The following OR56A3 variants were observed in gnomAD, a reference collection of about 807,000 sequenced individuals.
OR56A3 encodes the protein olfactory receptor 56A3.
A neutral mutation model predicts 17.5 loss-of-function variants in OR56A3; 23 were observed. That is an observed-to-expected ratio of 1.32 (90% confidence interval 0.95 to 1.87). The LOEUF (loss-of-function observed/expected upper bound fraction) is 1.87. Ranked by LOEUF, OR56A3 falls within the 40% of genes most tolerant of loss-of-function variation. The probability of loss-of-function intolerance (pLI) is 0.00; values close to 1 mark genes in which losing one functional copy is unlikely to be tolerated. For synonymous variants in OR56A3, 175 were observed against 150.6 expected (o/e 1.16, Z -1.19); for missense variants, 366 against 380.1 (o/e 0.96, Z 0.31).
the OR56A3 span, chr11:6,016,850 G>A: frequency 6.6e-6 from 1 of 150,828 alleles, no homozygotes; most frequent in Non-Finnish European, 1.5e-5. Flanking sequence ...CAGAAAACTT[G>A]GAACTGAATA....
the OR56A3 span, among the ~76,000 whole-genome samples, chr11:6,013,647 G>A: frequency 2.0e-5 from 3 of 152,162 alleles, no homozygotes; most frequent in African/African-American, 7.2e-5. Context: ...TCTGGCACAT[G>A]TGTGCACCAT....
chr11:6,004,331 C>G, the OR56A3 span, among the ~76,000 whole-genome samples: 1 of 151,366 alleles, frequency 6.6e-6, no homozygotes, highest in Non-Finnish European at 1.5e-5. Context: ...TCCGGCCTGG[C>G]AACAAAATGA....
At chr11:6,002,157 A>C in the OR56A3 span, 1 of 1,614,190 alleles carries the variant, frequency 6.2e-7, no homozygotes, top group Non-Finnish European at 8.5e-7. Flanking sequence ...CAGGATGTTG[A>C]GCAGGATGGG....
the OR56A3 span, among the ~76,000 whole-genome samples, chr11:5,960,872 G>A: frequency 6.6e-6 from 1 of 151,474 alleles, no homozygotes; most frequent in African/African-American, 2.4e-5. Context: ...CCTCTGCCTC[G>A]CCGCCCCGTC....
At chr11:5,968,154 T>C in the OR56A3 span, 1 of 1,614,188 alleles carries the variant, frequency 6.2e-7, no homozygotes, top group Non-Finnish European at 8.5e-7. Flanking sequence ...TGTGCAGGAC[T>C]CCATAGTCAG....
chr11:6,009,523 T>G, the OR56A3 span, among the ~76,000 whole-genome samples: 1 of 152,172 alleles, frequency 6.6e-6, no homozygotes, highest in Non-Finnish European at 1.5e-5. Flanking sequence ...ATATTTCAAT[T>G]TATTTGAGTT....
chr11:5,970,307 A>G, the OR56A3 span, among the ~76,000 whole-genome samples: 5 of 152,248 alleles, frequency 3.3e-5, no homozygotes, highest in Admixed American at 3.3e-4. Flanking sequence ...CCTAAAAGGA[A>G]TGAACAGAGA....
At chr11:5,946,785 T>C (rs554576875) in intron 2 of OR56A3, among the ~76,000 whole-genome samples, 6 of 152,374 alleles carry the variant, frequency 3.9e-5, no homozygotes, top group Non-Finnish European at 5.9e-5. Context: ...TTTAGATGTA[T>C]GATTTAAAAA....
At chr11:6,010,771 T>C in the OR56A3 span, among the ~76,000 whole-genome samples, 107,085 of 151,932 alleles carry the variant, frequency 0.7, 38,018 homozygotes, top group East Asian at 0.93. Flanking sequence ...ATCATACCTA[T>C]CTGAGGGATT....
the OR56A3 span, among the ~76,000 whole-genome samples, chr11:5,993,334 GAGA>G: frequency 1.3e-5 from 2 of 152,154 alleles, no homozygotes; most frequent in African/African-American, 4.8e-5. Context: ...GAGAATGGAT[GAGA>G]AGAAGTCAAG....
At chr11:6,017,361 A>G in the OR56A3 span, among the ~76,000 whole-genome samples, 1 of 152,232 alleles carries the variant, frequency 6.6e-6, no homozygotes, top group African/African-American at 2.4e-5. Context: ...TCCAAGATAT[A>G]TTATAGTTAA....
chr11:6,017,278 T>G, the OR56A3 span, among the ~76,000 whole-genome samples: 1 of 152,192 alleles, frequency 6.6e-6, no homozygotes, highest in Non-Finnish European at 1.5e-5. Flanking sequence ...TCTCCAAGTT[T>G]CACAAAAGAT....
At chr11:6,002,318 C>G in the OR56A3 span, 2 of 1,614,146 alleles carry the variant, frequency 1.2e-6, no homozygotes, top group South Asian at 1.1e-5. Context: ...GCACAACTTT[C>G]AATATAAAAG....
At chr11:5,993,650 A>G in the OR56A3 span, among the ~76,000 whole-genome samples, 1 of 152,222 alleles carries the variant, frequency 6.6e-6, no homozygotes, top group Non-Finnish European at 1.5e-5. Flanking sequence ...CAGCCCTATA[A>G]TGACTATAAG....
chr11:6,011,204 T>TATATATATATATATATATATATATA, the OR56A3 span, among the ~76,000 whole-genome samples: 39 of 122,504 alleles, frequency 3.2e-4, no homozygotes, highest in African/African-American at 1.1e-3. Flanking sequence ...GAGATTTATT[T>TATATATATATATATATATATATATA]TATATATATA....
At chr11:5,973,626 T>G in the OR56A3 span, among the ~76,000 whole-genome samples, 1 of 152,188 alleles carries the variant, frequency 6.6e-6, no homozygotes, top group African/African-American at 2.4e-5. Context: ...TTTTTTTCCT[T>G]CACCTCCTAG....
chr11:5,955,427 GAAGA>G (rs1457549645), downstream of OR56A3, among the ~76,000 whole-genome samples: 7 of 152,230 alleles, frequency 4.6e-5, no homozygotes, highest in Non-Finnish European at 1.0e-4. Flanking sequence ...TTCCTCCTCA[GAAGA>G]AAGAATTCAG....
At chr11:5,974,124 C>G in the OR56A3 span, among the ~76,000 whole-genome samples, 9 of 81,498 alleles carry the variant, frequency 1.1e-4, no homozygotes, top group African/African-American at 4.2e-4. Context: ...TTTTTTTTTT[C>G]GAGATGGAGT....
downstream of OR56A3, among the ~76,000 whole-genome samples, chr11:5,956,158 G>A (rs1236925113): frequency 6.6e-6 from 1 of 152,094 alleles, no homozygotes; most frequent in South Asian, 2.1e-4. Context: ...TATCATTCTC[G>A]AACAATTGTT....
Sources: allele counts gnomAD v4.1 joint callset (sites outside exome capture counted in the v4.1 genomes callset), GRCh38; gene constraint gnomAD v4.1.1; transcripts MANE v1.5; gene names NCBI Gene and HGNC (gene_info 2026-07-23, HGNC 2026-07-21).